Variants in NOTCH3 observed in about 807,000 individuals in gnomAD.
NOTCH3 encodes neurogenic locus notch homolog protein 3.
A neutral mutation model predicts 213.3 loss-of-function variants in NOTCH3; 86 were observed. The ratio of observed to expected loss-of-function variants is 0.40; its 90% CI spans 0.34 to 0.48. NOTCH3 has a LOEUF of 0.48. Ranked by LOEUF, NOTCH3 falls within the 20% of genes least tolerant of loss-of-function variation. NOTCH3 has a pLI of 0.57. For synonymous variants in NOTCH3, 1,354 were observed against 1,355.9 expected (o/e 1.00, Z 0.03); for missense variants, 2,783 against 3,272.6 (o/e 0.85, Z 3.65).
intron 6 of NOTCH3, among the ~76,000 whole-genome samples, chr19:15,190,142 C>A (rs777508000): frequency 6.6e-6 from 1 of 152,010 alleles, no homozygotes; most frequent in Non-Finnish European, 1.5e-5. Flanking sequence ...GGCATGGTGG[C>A]GCACGCCTGT....
chr19:15,197,666 G>A (rs1295308273), intron 1 of NOTCH3, 88 bp from the exon 2 acceptor site: 7 of 1,152,824 alleles, frequency 6.1e-6, no homozygotes, highest in East Asian at 2.6e-5. Context: ...CCCTCCACCA[G>A]GCAACAGCTG....
Position 15,184,356 on chromosome 19 carries a change from GC to G in NOTCH3, c.2504del (p.Cys835SerfsTer25). The G allele has an allele frequency of 6.2e-7, 1 of 1,613,816 alleles. No individual in the cohort carries two copies. Among genetic ancestry groups the G allele is most frequent in the Non-Finnish European group, 8.5e-7 (1 of 1,179,890 alleles). On this transcript the variant is annotated frameshift_variant, in exon 16 of 33. Coordinates refer to ENST00000263388, the MANE Select transcript of NOTCH3 (RefSeq NM_000435.3). LOFTEE classifies it high-confidence loss of function. ...ICTNLAGSFSCTCHGGYTGPS... is the reference protein window; with the variant it reads ...ICTNLAGSFSXTCHGGYTGPS... ...GGCCAGTGTACCCTCCATGGCAGGTGCAGCTGAAACTCCCTGCCAGGTTGGT... is the reference window on the plus strand; with the variant it reads ...GGCCAGTGTACCCTCCATGGCAGGTGAGCTGAAACTCCCTGCCAGGTTGGT...
rs1446147181 is a variant in NOTCH3, at chr19:15,189,033, G to A, written c.1334C>T (p.Thr445Met). 1 of 1,612,944 alleles carries A rather than the reference G, an allele frequency of 6.2e-7. No homozygotes were observed. Among genetic ancestry groups the A allele is most frequent in the Non-Finnish European group, 8.5e-7 (1 of 1,179,986 alleles). The change falls in exon 8 of 33, where the codon ACG becomes ATG. Residue 445 changes from threonine (T) to methionine (M), a missense_variant. Thr to Met is a moderately conservative substitution (Grantham distance 81, BLOSUM62 -1). Transcript: ENST00000263388. ...GAACTGGCCTATGCGGTCGAGGCAC[G>A]TGGCCTGGTTTCGGCAGGGCCCCGA... ...CLSGPCRNQA[T>M]CLDRIGQFTC...
chr19:15,162,874 A>G (rs1248550242), intron 31 of NOTCH3, among the ~76,000 whole-genome samples: 2 of 152,038 alleles, frequency 1.3e-5, no homozygotes, highest in Non-Finnish European at 2.9e-5. Context: ...GACATCCAAT[A>G]CAGTAGTCAG....
chr19:15,189,600 C>T (rs548564247), intron 6 of NOTCH3, among the ~76,000 whole-genome samples, 172 bp from the exon 7 acceptor site: 6 of 152,334 alleles, frequency 3.9e-5, no homozygotes, highest in South Asian at 2.1e-4. Context: ...CTCACTGTAA[C>T]CTCCACCTCC....
At position 15,170,337 on chromosome 19, in the gene NOTCH3, C is replaced by T. The variant is rs1257083112; in HGVS notation, c.5108G>A (p.Gly1703Asp). 5.0e-6 allele frequency: 8 copies of T among 1,612,652 alleles called. No homozygotes were observed. Among genetic ancestry groups the T allele is most frequent in the Non-Finnish European group, 6.8e-6 (8 of 1,179,576 alleles). Residue 1703 changes from glycine to aspartate, a missense_variant, in exon 27 of 33, where the codon GGC becomes GAC. Coordinates refer to ENST00000263388, the MANE Select transcript of NOTCH3 (RefSeq NM_000435.3). ...GAGCGAGCAGGGTTCTCACTTCATG[C>T]CCAGCGCGTCCTGGCCCACGGGTTC... Reference protein sequence around the residue: ...RREPVGQDALGMKNMAKGESL... With the variant: ...RREPVGQDALDMKNMAKGESL...
rs7257550 is a variant in NOTCH3, at chr19:15,181,277, G to C, written c.2793-115C>G. 0.87 allele frequency: 822,885 copies of C among 949,560 alleles called. 357,621 individuals are homozygous for C. The highest frequency in any genetic ancestry group is 0.91 in the African/African-American group (56,146 of 61,504). The allele number at this position is 949,560 out of a possible 1,614,324, so 58.8% of individuals were successfully genotyped here. A position where few individuals can be genotyped will look rare whatever the true frequency, so the allele number is the denominator to read the frequency against. On this transcript the variant is annotated intron_variant, in intron 17 of 32. Transcript: ENST00000263388. The stretch of plus-strand genomic sequence containing the variant: ...CGTCCCACTCCCTGACCCTTATCTC[G>C]GCAAGAAGCTGCAGCCCCAGCAGAA...
intron 6 of NOTCH3, 126 bp downstream of exon 6, chr19:15,191,298 G>T: frequency 1.1e-6 from 1 of 883,424 alleles, no homozygotes; most frequent in Non-Finnish European, 1.8e-6. Context: ...CTCCCAAAGT[G>T]CTATGATTAC....
rs1269609204 is a variant in NOTCH3, at chr19:15,159,800, A to G, written c.*862T>C. 2.1e-5 allele frequency: 5 copies of G among 233,476 alleles called. No individual in the cohort carries two copies. The highest frequency in any genetic ancestry group is 2.5e-5 in the Non-Finnish European group (3 of 118,008). The allele number at this position is 233,476 out of a possible 1,614,324, so 14.5% of individuals were successfully genotyped here. On this transcript the variant is annotated 3_prime_UTR_variant, in exon 33 of 33. Transcript: ENST00000263388. ...GCTGGGCCAGAGGATTACCAGGAAG[A>G]GAAAGTACCACTCAGGCAGCTCCTC... is the stretch of plus-strand genomic sequence containing the variant.
At chr19:15,174,470 TCA>T (rs751300412) in intron 24 of NOTCH3, 70 bp from the exon 25 acceptor site, 167 of 1,135,712 alleles carry the variant, frequency 1.5e-4, no homozygotes, top group Non-Finnish European at 2.0e-4. Flanking sequence ...TTCCATGCAT[TCA>T]CACCGTAGAG....
intron 2 of NOTCH3, 59 bp downstream of exon 2, chr19:15,197,441 G>GCGGCCCCCC: frequency 1.4e-5 from 11 of 768,348 alleles, no homozygotes; most frequent in Middle Eastern, 2.8e-4. Context: ...AAGACAAATC[G>GCGGCCCCCC]CCCCTCCCCC....
chr19:15,184,747 A>C (rs2046867216), intron 15 of NOTCH3, among the ~76,000 whole-genome samples, 159 bp downstream of exon 15: 1 of 152,168 alleles, frequency 6.6e-6, no homozygotes, highest in Non-Finnish European at 1.5e-5. Flanking sequence ...TGACCCACAC[A>C]GGCTGCATAT....
chr19:15,181,700 C>A lies in NOTCH3; in HGVS notation c.2668G>T (p.Glu890Ter). The A allele has an allele frequency of 6.4e-7, 1 of 1,564,996 alleles. No homozygotes were observed. Among genetic ancestry groups the A allele is most frequent in the East Asian group, 2.4e-5 (1 of 42,204 alleles). The change falls in exon 17 of 33, where the codon GAG (glutamate) becomes TAG (stop). Residue 890 changes from glutamate (E) to a stop codon, truncating the protein, a stop_gained. Transcript: ENST00000263388. LOFTEE classifies it high-confidence loss of function. ...AGPRCARDVD[E>*]CLSNPCGPGT... The stretch of plus-strand genomic sequence containing the variant: ...GGGCCGCAGGGGTTGCTCAGGCACT[C>A]ATCCACATCGCGGGCGCATCGTGGG...
At position 15,178,092 on chromosome 19, in the gene NOTCH3, T is replaced by TG; in HGVS notation, c.3838-3dup. ...CTCGCAACGCGGACCCCAGAACGGC[T>TG]GGGGGTCGGGTTTGGGGAGGGAGGG... On this transcript the variant is annotated splice_polypyrimidine_tract_variant and splice_region_variant and intron_variant, in intron 23 of 32. Coordinates refer to ENST00000263388, the MANE Select transcript of NOTCH3 (RefSeq NM_000435.3). 2.0e-6 allele frequency: 3 copies of TG among 1,504,266 alleles called. No individual in the cohort carries two copies. Among genetic ancestry groups the TG allele is most frequent in the Non-Finnish European group, 2.6e-6 (3 of 1,132,398 alleles). The allele number at this position is 1,504,266 out of a possible 1,614,324, so 93.2% of individuals were successfully genotyped here.
intron 2 of NOTCH3, 82 bp downstream of exon 2, chr19:15,197,418 G>C: frequency 8.2e-7 from 1 of 1,217,394 alleles, no homozygotes; most frequent in Non-Finnish European, 1.2e-6. Flanking sequence ...GGTGAACACA[G>C]AGGCAGAGGG....
intron 32 of NOTCH3, among the ~76,000 whole-genome samples, chr19:15,161,935 T>C (rs1435670078): frequency 6.6e-6 from 1 of 151,178 alleles, no homozygotes; most frequent in Non-Finnish European, 1.5e-5. Context: ...AGGACTAGGG[T>C]GAGTTAAGCG....
rs1326339004 is a variant in NOTCH3, at chr19:15,160,622, G to A, written c.*40C>T. 6.9e-7 allele frequency: 1 copy of A among 1,452,748 alleles called. No individual in the cohort carries two copies. Among genetic ancestry groups the A allele is most frequent in the East Asian group, 2.3e-5 (1 of 44,186 alleles). The allele number at this position is 1,452,748 out of a possible 1,614,324, so 90.0% of individuals were successfully genotyped here. ...GAGAAAGAAAGGAGGCAGGACGGGG[G>A]TCTCTTTAGGCCCCCAAGATCTAAG... On this transcript the variant is annotated 3_prime_UTR_variant, in exon 33 of 33. Transcript: ENST00000263388.
In NOTCH3 at chr19:15,200,792, A is replaced by G; in HGVS notation, c.114T>C (p.Ala38=). ...PLLLLLAGPG[A]AAPPCLDGSP... ...CGCCAGGTCCCGGCCCCTCACCTGC[A>G]GCCCCCGGCCCCGCTAGCAGCAGCA... The change falls in exon 1 of 33, where the codon GCT becomes GCC. Residue 38 remains alanine (A), a synonymous_variant. Coordinates refer to ENST00000263388, the MANE Select transcript of NOTCH3 (RefSeq NM_000435.3). The G allele has an allele frequency of 7.8e-7, 1 of 1,282,892 alleles. No homozygotes were observed. The highest frequency in any genetic ancestry group is 9.9e-7 in the Non-Finnish European group (1 of 1,009,186). The allele number at this position is 1,282,892 out of a possible 1,614,324, so 79.5% of individuals were successfully genotyped here.
Position 15,178,013 on chromosome 19 carries a change from C to G in NOTCH3, c.3915G>C (p.Gln1305His). 1 of 1,480,756 alleles carries G rather than the reference C, an allele frequency of 6.8e-7. No individual in the cohort carries two copies. The highest frequency in any genetic ancestry group is 8.9e-7 in the Non-Finnish European group (1 of 1,119,664). The allele number at this position is 1,480,756 out of a possible 1,614,324, so 91.7% of individuals were successfully genotyped here. ...ELQCPVGVPC[Q>H]QTPRGPRCAC... is the part of the protein sequence containing the mutation. ...CGCAGCGCGGCCCGCGGGGCGTCTG[C>G]TGGCATGGGACGCCCACCGGGCACT... is the stretch of plus-strand genomic sequence containing the variant. The change falls in exon 24 of 33, where the codon CAG becomes CAC. Residue 1305 changes from glutamine (Q) to histidine (H), a missense_variant. Gln to His is a conservative substitution (Grantham distance 24). Coordinates refer to ENST00000263388, the MANE Select transcript of NOTCH3 (RefSeq NM_000435.3).
Sources: allele counts gnomAD v4.1 joint callset (sites outside exome capture counted in the v4.1 genomes callset), GRCh38; gene constraint gnomAD v4.1.1; transcripts MANE v1.5; gene names NCBI Gene and HGNC (gene_info 2026-07-23, HGNC 2026-07-21).